CSMD3: variants seen among roughly 807,000 people sequenced by gnomAD.
CSMD3 encodes CUB and Sushi multiple domains 3, also known as CUB and sushi domain-containing protein 3.
A neutral mutation model predicts 435.2 loss-of-function variants in CSMD3; 177 were observed. The ratio of observed to expected loss-of-function variants is 0.41; its 90% CI spans 0.36 to 0.46. The LOEUF (loss-of-function observed/expected upper bound fraction) is 0.46. Among genes scored for constraint, CSMD3 ranks in the 20% least tolerant of loss-of-function variants. The probability of loss-of-function intolerance (pLI) is 0.34; values close to 1 mark genes in which losing one functional copy is unlikely to be tolerated. For missense variants in CSMD3, 4,265 were observed against 4,504.6 expected (o/e 0.95, Z 1.52); for synonymous variants, 1,656 against 1,520.5 (o/e 1.09, Z -2.07).
At chr8:112,982,563 A>G (rs2085092867) in intron 6 of CSMD3, among the ~76,000 whole-genome samples, 1 of 151,962 alleles carries the variant, frequency 6.6e-6, no homozygotes, top group African/African-American at 2.4e-5. Flanking sequence ...TCCACGTAAA[A>G]TCTTGTGGAA....
intron 62 of CSMD3, among the ~76,000 whole-genome samples, chr8:112,254,703 G>GA (rs1285061253): frequency 6.6e-6 from 1 of 152,028 alleles, no homozygotes; most frequent in Non-Finnish European, 1.5e-5. Flanking sequence ...ATATTTCTTT[G>GA]AAGAAATAAC....
chr8:112,308,748 CA>C (rs1174073902), intron 50 of CSMD3, among the ~76,000 whole-genome samples: 2 of 151,912 alleles, frequency 1.3e-5, no homozygotes, highest in African/African-American at 4.8e-5. Context: ...AACACCTGAC[CA>C]AACCCAAATA....
intron 22 of CSMD3, among the ~76,000 whole-genome samples, chr8:112,608,726 G>A (rs1319102614): frequency 6.6e-6 from 1 of 151,800 alleles, no homozygotes; most frequent in African/African-American, 2.4e-5. Flanking sequence ...CTTCGGCAAA[G>A]GCTCTAAGAA....
At chr8:113,138,197 G>C (rs2091462198) in intron 4 of CSMD3, among the ~76,000 whole-genome samples, 1 of 151,410 alleles carries the variant, frequency 6.6e-6, no homozygotes, top group African/African-American at 2.4e-5. Flanking sequence ...TCCTAAACCT[G>C]TGGTATTTAT....
At chr8:112,768,473 G>C (rs2078034687) in intron 13 of CSMD3, among the ~76,000 whole-genome samples, 1 of 151,690 alleles carries the variant, frequency 6.6e-6, no homozygotes, top group African/African-American at 2.4e-5. Flanking sequence ...TACAAAATAA[G>C]GACTTCTTCC....
At position 112,877,067 on chromosome 8, in the gene CSMD3, C is replaced by T. The variant is rs1336311411; in HGVS notation, c.1634-17801G>A. ...AACTTACAAGGGATGTGAAGGATCT[C>T]TTCAAGGAGAACTACAAACCACTGC... On this transcript the variant is annotated intron_variant, in intron 10 of 70. Coordinates refer to ENST00000297405, the MANE Select transcript of CSMD3 (RefSeq NM_198123.2). 3.3e-5 allele frequency among the ~76,000 whole-genome samples: 5 copies of T among 152,024 alleles called. No homozygotes were observed. The East Asian group carries it at 9.7e-4, about 29-fold the overall frequency.
chr8:113,329,368 AG>A (rs1405975625), intron 1 of CSMD3, among the ~76,000 whole-genome samples: 1 of 152,140 alleles, frequency 6.6e-6, no homozygotes, highest in Non-Finnish European at 1.5e-5. Flanking sequence ...AATTCACTAA[AG>A]GAATTAAGCA....
intron 11 of CSMD3, among the ~76,000 whole-genome samples, chr8:112,842,724 A>T (rs1420392472): frequency 6.6e-6 from 1 of 151,784 alleles, no homozygotes; most frequent in Admixed American, 6.6e-5. Flanking sequence ...TACTTTTTAT[A>T]TTTGTGTATT....
chr8:112,286,945 T>C, intron 58 of CSMD3, 119 bp downstream of exon 58: 3 of 821,966 alleles, frequency 3.6e-6, no homozygotes, highest in Non-Finnish European at 6.3e-6. Flanking sequence ...GACTGTTTTA[T>C]TTCATAGTTG....
intron 5 of CSMD3, among the ~76,000 whole-genome samples, chr8:113,091,601 G>T (rs750514938): frequency 6.6e-6 from 1 of 151,608 alleles, no homozygotes; most frequent in Non-Finnish European, 1.5e-5. Flanking sequence ...AGTTTCTGCC[G>T]TATCAATTAT....
chr8:112,695,574 A>T (rs949581945), intron 13 of CSMD3, among the ~76,000 whole-genome samples: 41 of 152,312 alleles, frequency 2.7e-4, no homozygotes, highest in African/African-American at 9.1e-4. Flanking sequence ...TATTGATGGG[A>T]CGTATCTAAA....
chr8:112,948,082 G>A (rs1379558109), intron 8 of CSMD3, among the ~76,000 whole-genome samples: 1 of 145,142 alleles, frequency 6.9e-6, no homozygotes, highest in Non-Finnish European at 1.5e-5. Flanking sequence ...TAAATTTGCT[G>A]TTCATATTCA....
At chr8:112,684,620 T>C (rs1407905142) in intron 15 of CSMD3, among the ~76,000 whole-genome samples, 1 of 152,136 alleles carries the variant, frequency 6.6e-6, no homozygotes, top group Non-Finnish European at 1.5e-5. Context: ...GTGTTATTAA[T>C]CCACTAAGGT....
intron 13 of CSMD3, among the ~76,000 whole-genome samples, chr8:112,743,235 G>T (rs1235319953): frequency 6.6e-6 from 1 of 151,342 alleles, no homozygotes; most frequent in Non-Finnish European, 1.5e-5. Context: ...GTGGAAAATA[G>T]TTTAAAATAA....
At chr8:112,346,900 T>C (rs1001285113) in intron 40 of CSMD3, among the ~76,000 whole-genome samples, 6 of 151,950 alleles carry the variant, frequency 3.9e-5, no homozygotes, top group South Asian at 4.2e-4. Flanking sequence ...AGGATGGTCT[T>C]GATCTCCTGA....
intron 6 of CSMD3, among the ~76,000 whole-genome samples, chr8:112,980,258 G>C (rs1462941926): frequency 6.6e-6 from 1 of 150,734 alleles, no homozygotes; most frequent in Non-Finnish European, 1.5e-5. Context: ...TATATTGCTA[G>C]AGATATGCAT....
At chr8:112,407,734 T>C (rs1240040658) in intron 34 of CSMD3, among the ~76,000 whole-genome samples, 1 of 152,064 alleles carries the variant, frequency 6.6e-6, no homozygotes, top group African/African-American at 2.4e-5. Flanking sequence ...TATGACCATA[T>C]ATATTTCAAA....
intron 29 of CSMD3, among the ~76,000 whole-genome samples, chr8:112,504,559 C>G (rs1317812839): frequency 6.6e-6 from 1 of 151,994 alleles, no homozygotes; most frequent in African/African-American, 2.4e-5. Flanking sequence ...ATTAGGCATT[C>G]TTTTTCCTGA....
At chr8:112,607,003 C>A (rs1832850486) in intron 22 of CSMD3, among the ~76,000 whole-genome samples, 2 of 100,310 alleles carry the variant, frequency 2.0e-5, no homozygotes, top group African/African-American at 7.7e-5. Flanking sequence ...AAGCTAAGCT[C>A]AAAGTTAGTG....
Sources: allele counts gnomAD v4.1 joint callset (sites outside exome capture counted in the v4.1 genomes callset), GRCh38; gene constraint gnomAD v4.1.1; transcripts MANE v1.5; gene names NCBI Gene and HGNC (gene_info 2026-07-23, HGNC 2026-07-21).